CDHR3: variants seen among roughly 807,000 people sequenced by gnomAD.
CDHR3 encodes the protein cadherin-related family member 3.
CDHR3 carries 79 observed loss-of-function variants against 86.6 expected under a neutral mutation model. The ratio of observed to expected loss-of-function variants is 0.91; its 90% CI spans 0.76 to 1.10. CDHR3 has a LOEUF of 1.10. CDHR3 is among the 50% of genes least tolerant of loss of function. CDHR3 has a pLI of 0.00. For synonymous variants in CDHR3, 421 were observed against 402.4 expected, an observed-to-expected ratio of 1.05 and a Z score of -0.55; for missense variants, 1,081 against 1,077.6, an observed-to-expected ratio of 1.00 and a Z score of -0.04.
chr7:106,009,254 G>A (rs529204859), intron 8 of CDHR3, among the ~76,000 whole-genome samples: 110 of 152,276 alleles, frequency 7.2e-4, no homozygotes, highest in Middle Eastern at 3.4e-3. Context: ...AAGATGTGAG[G>A]AAGGGCAACG....
chr7:105,972,772 C>G (rs761641394), intron 1 of CDHR3, among the ~76,000 whole-genome samples: 1 of 152,170 alleles, frequency 6.6e-6, no homozygotes, highest in African/African-American at 2.4e-5. Context: ...TCGCATCACC[C>G]TAAACTTCAG....
At chr7:105,995,471 C>G (rs1186633098) in intron 5 of CDHR3, among the ~76,000 whole-genome samples, 1 of 152,132 alleles carries the variant, frequency 6.6e-6, no homozygotes, top group East Asian at 1.9e-4. Context: ...CAATGTCTTG[C>G]AAGGAAGAGT....
intron 2 of CDHR3, among the ~76,000 whole-genome samples, chr7:105,979,814 C>T (rs1829368000): frequency 6.6e-6 from 1 of 152,196 alleles, no homozygotes. Flanking sequence ...TAATTAAGGA[C>T]ATACATGGAA....
intron 10 of CDHR3, 90 bp from the exon 11 acceptor site, chr7:106,015,837 C>A (rs754134105): frequency 4.1e-6 from 4 of 968,288 alleles, no homozygotes; most frequent in Non-Finnish European, 6.4e-6. Context: ...ATGCGCAAAG[C>A]CTGTACACAG....
intron 8 of CDHR3, among the ~76,000 whole-genome samples, chr7:106,010,053 T>G (rs1261610647): frequency 6.6e-6 from 1 of 152,200 alleles, no homozygotes; most frequent in African/African-American, 2.4e-5. Flanking sequence ...CAAGCAGCCC[T>G]GGAGGGCCAA....
chr7:105,989,547 C>T (rs6973512), intron 4 of CDHR3, among the ~76,000 whole-genome samples: 38,082 of 151,834 alleles, frequency 0.25, 5,227 homozygotes, highest in Middle Eastern at 0.37. Flanking sequence ...CTTTTGGGAG[C>T]GCAGCAGGGG....
chr7:105,998,728 G>A (rs1035799656), intron 6 of CDHR3, among the ~76,000 whole-genome samples: 6 of 151,678 alleles, frequency 4.0e-5, no homozygotes, highest in African/African-American at 1.5e-4. Context: ...AGGTTGCAGT[G>A]AGCTGAGATC....
At chr7:106,012,722 G>A (rs1218251484) in intron 8 of CDHR3, 138 bp from the exon 9 acceptor site, 3 of 910,358 alleles carry the variant, frequency 3.3e-6, no homozygotes, top group East Asian at 2.6e-5. Context: ...AGGGAGACCA[G>A]TTAGGAGGTG....
At chr7:106,020,899 T>C (rs555330480) in intron 13 of CDHR3, among the ~76,000 whole-genome samples, 7 of 152,086 alleles carry the variant, frequency 4.6e-5, no homozygotes, top group African/African-American at 9.7e-5. Context: ...CCAGACCCCA[T>C]ACGTGACTGC....
intron 14 of CDHR3, among the ~76,000 whole-genome samples, chr7:106,024,049 G>A (rs968662693): frequency 6.6e-6 from 1 of 152,040 alleles, no homozygotes; most frequent in African/African-American, 2.4e-5. Flanking sequence ...AGAGACAATG[G>A]CTATATTCGT....
chr7:105,973,492 C>A (rs1388827009), intron 1 of CDHR3, among the ~76,000 whole-genome samples: 1 of 152,264 alleles, frequency 6.6e-6, no homozygotes, highest in East Asian at 1.9e-4. Flanking sequence ...TCTGCGTTTG[C>A]TTTCCATTCC....
chr7:106,032,333 G>A, intron 18 of CDHR3, 60 bp from the exon 19 acceptor site: 1 of 1,484,870 alleles, frequency 6.7e-7, no homozygotes, highest in Non-Finnish European at 9.1e-7. Flanking sequence ...TAGAAGTGGG[G>A]GAAGAGACAG....
intron 6 of CDHR3, among the ~76,000 whole-genome samples, chr7:105,999,802 G>A (rs1832850999): frequency 1.3e-5 from 2 of 152,164 alleles, no homozygotes; most frequent in Non-Finnish European, 2.9e-5. Flanking sequence ...GAGGGCTGGG[G>A]TGGGTGGGCC....
Position 106,028,586 on chromosome 7 carries a change from A to C in CDHR3, c.2304+4A>C. On this transcript the variant is annotated splice_donor_region_variant and intron_variant, in intron 17 of 18. Transcript: ENST00000317716. Reference sequence around the variant, plus strand: ...TGCAGAGAGAGACGTCGTGGTGGTGAGTATGGGCAGTGTGGGGCACCAGGC... The same window carrying C: ...TGCAGAGAGAGACGTCGTGGTGGTGCGTATGGGCAGTGTGGGGCACCAGGC... 1 of 1,613,886 alleles carries C rather than the reference A, an allele frequency of 6.2e-7. No individual in the cohort carries two copies.
chr7:105,994,028 G>A (rs557988576), intron 4 of CDHR3, among the ~76,000 whole-genome samples: 55 of 152,310 alleles, frequency 3.6e-4, no homozygotes, highest in Middle Eastern at 6.8e-3. Flanking sequence ...CAGCTCTTCT[G>A]AATCCCTAAA....
At chr7:105,973,450 G>A (rs1005066952) in intron 1 of CDHR3, among the ~76,000 whole-genome samples, 2 of 152,170 alleles carry the variant, frequency 1.3e-5, no homozygotes, top group African/African-American at 4.8e-5. Context: ...GGGGCTCTGA[G>A]GGAATATCTG....
chr7:105,963,302 A>T lies in CDHR3; in HGVS notation c.-17A>T. ...TGGCTAATGTGCTGGAAGCACGCAC[A>T]GTTGTGACCATCAAGTATGCAGGAA... On this transcript the variant is annotated 5_prime_UTR_variant, in exon 1 of 19. Transcript: ENST00000317716. 1 of 1,613,834 alleles carries T rather than the reference A, an allele frequency of 6.2e-7. No individual in the cohort carries two copies. The highest frequency in any genetic ancestry group is 8.5e-7 in the Non-Finnish European group (1 of 1,179,712).
intron 13 of CDHR3, among the ~76,000 whole-genome samples, chr7:106,021,421 T>G (rs1401973613): frequency 1.3e-5 from 2 of 152,222 alleles, no homozygotes; most frequent in Non-Finnish European, 2.9e-5. Flanking sequence ...CAATCCATAC[T>G]GAGAGCCCTA....
chr7:106,032,431 G>T lies in CDHR3; in HGVS notation c.2392G>T (p.Ala798Ser), dbSNP rs140818720. Reference sequence around the variant, plus strand: ...ATATGAATTCAACTCAAAAACTGGAGCCAGAAAGTGGAAAGATCCACTAAC... The same window carrying T: ...ATATGAATTCAACTCAAAAACTGGATCCAGAAAGTGGAAAGATCCACTAAC... ...ETYEFNSKTG[A>S]RKWKDPLTQM... Residue 798 changes from alanine to serine, a missense_variant, in exon 19 of 19, where the codon GCC becomes TCC. Ala to Ser is a moderately conservative substitution (Grantham distance 99). Transcript: ENST00000317716. 7.2e-3 allele frequency: 11,543 copies of T among 1,611,872 alleles called. 63 individuals carry two copies. The highest frequency in any genetic ancestry group is 8.5e-3 in the Non-Finnish European group (9,980 of 1,178,306).
Sources: allele counts gnomAD v4.1 joint callset (sites outside exome capture counted in the v4.1 genomes callset), GRCh38; gene constraint gnomAD v4.1.1; transcripts MANE v1.5; gene names NCBI Gene and HGNC (gene_info 2026-07-23, HGNC 2026-07-21).